ACVR2A: variants seen among roughly 807,000 people sequenced by gnomAD.
The protein encoded by ACVR2A is activin A receptor type 2A.
In ACVR2A, 7 loss-of-function variants were observed where a neutral mutation model predicts 61.4. The ratio of observed to expected loss-of-function variants is 0.11; its 90% CI spans 0.06 to 0.21. The LOEUF is 0.21. ACVR2A is among the 10% of genes least tolerant of loss of function. The probability of loss-of-function intolerance (pLI) is 1.00; values close to 1 mark genes in which losing one functional copy is unlikely to be tolerated. For missense variants in ACVR2A, 322 were observed against 621.7 expected, an observed-to-expected ratio of 0.52 and a Z score of 5.13; for synonymous variants, 193 against 208.3, an observed-to-expected ratio of 0.93 and a Z score of 0.63.
At chr2:147,895,757 T>C (rs1313628141) in intron 1 of ACVR2A, among the ~76,000 whole-genome samples, 1 of 152,210 alleles carries the variant, frequency 6.6e-6, no homozygotes, top group Non-Finnish European at 1.5e-5. Context: ...TGTAAGAATT[T>C]AGTATATAAT....
chr2:147,924,674 T>G (rs1250087890), intron 9 of ACVR2A, among the ~76,000 whole-genome samples: 1 of 151,964 alleles, frequency 6.6e-6, no homozygotes, highest in Non-Finnish European at 1.5e-5. Flanking sequence ...GAGCATTGAT[T>G]GCTAAAGTAG....
chr2:147,886,478 C>T (rs926872331), intron 1 of ACVR2A, among the ~76,000 whole-genome samples: 2 of 152,012 alleles, frequency 1.3e-5, no homozygotes, highest in African/African-American at 2.4e-5. Flanking sequence ...TGTAAGTTCC[C>T]GAAACAGTTC....
At chr2:147,876,562 A>T (rs1686160169) in intron 1 of ACVR2A, among the ~76,000 whole-genome samples, 2 of 152,142 alleles carry the variant, frequency 1.3e-5, no homozygotes, top group African/African-American at 4.8e-5. Context: ...GCACCTAGGG[A>T]CATAATTCTC....
intron 1 of ACVR2A, among the ~76,000 whole-genome samples, chr2:147,858,341 G>C (rs144044299): frequency 2.6e-4 from 39 of 152,266 alleles, no homozygotes; most frequent in Non-Finnish European, 3.5e-4. Flanking sequence ...TGTGATGCCT[G>C]ATGGGTCGAC....
intron 2 of ACVR2A, among the ~76,000 whole-genome samples, chr2:147,898,486 A>G (rs74504953): frequency 1.1e-3 from 163 of 152,188 alleles, no homozygotes; most frequent in Middle Eastern, 0.01. Context: ...CTCCTGCCAA[A>G]TAGATGTTGA....
chr2:147,888,953 C>T (rs948163814), intron 1 of ACVR2A, among the ~76,000 whole-genome samples: 3 of 151,616 alleles, frequency 2.0e-5, no homozygotes, highest in Admixed American at 2.0e-4. Context: ...TTGGTAGGTG[C>T]TTTTTATGAC....
At chr2:147,881,991 G>A (rs907263856) in intron 1 of ACVR2A, among the ~76,000 whole-genome samples, 2 of 152,070 alleles carry the variant, frequency 1.3e-5, no homozygotes, top group Non-Finnish European at 2.9e-5. Context: ...ATTTTAAAAG[G>A]ATGGTTGCTT....
intron 5 of ACVR2A, among the ~76,000 whole-genome samples, chr2:147,916,236 GTT>G (rs1287642622): frequency 6.6e-6 from 1 of 151,804 alleles, no homozygotes; most frequent in East Asian, 1.9e-4. Flanking sequence ...CCACAGTTTA[GTT>G]TTCAGAGAGA....
intron 1 of ACVR2A, among the ~76,000 whole-genome samples, chr2:147,878,848 G>A (rs1002214029): frequency 1.3e-5 from 2 of 152,236 alleles, no homozygotes; most frequent in East Asian, 1.9e-4. Flanking sequence ...GGTTAAGGCT[G>A]CAGTGAACTG....
chr2:147,897,529 A>T (rs2105191581), intron 2 of ACVR2A, among the ~76,000 whole-genome samples: 1 of 152,288 alleles, frequency 6.6e-6, no homozygotes, highest in South Asian at 2.1e-4. Flanking sequence ...TGCTGAAGAC[A>T]GGCAGAAGCT....
intron 9 of ACVR2A, 113 bp downstream of exon 9, chr2:147,923,224 C>T: frequency 8.4e-7 from 1 of 1,187,724 alleles, no homozygotes; most frequent in Non-Finnish European, 1.1e-6. Flanking sequence ...TTAATTGACT[C>T]CAAGAGATGG....
At chr2:147,882,672 A>C (rs1273141025) in intron 1 of ACVR2A, among the ~76,000 whole-genome samples, 1 of 152,160 alleles carries the variant, frequency 6.6e-6, no homozygotes, top group Non-Finnish European at 1.5e-5. Context: ...ACAACATATA[A>C]TGTTTATATT....
rs1236542519 is a variant in ACVR2A at position 147,923,072 on chromosome 2, G to A, written c.1177G>A (p.Val393Ile). 1.2e-6 allele frequency: 2 copies of A among 1,612,960 alleles called. No individual in the cohort carries two copies. The highest frequency in any genetic ancestry group is 1.7e-6 in the Non-Finnish European group (2 of 1,179,430). The change falls in exon 9 of 11, where the codon GTC becomes ATC. Residue 393 changes from valine to isoleucine, a missense_variant. By Grantham distance (29) the Val-to-Ile change is conservative. Around this residue, in one of 3 missense-constraint regions of ACVR2A, gnomAD observed 146 missense variants for 383.8 expected, o/e 0.38. Transcript: ENST00000241416. ...LRIDMYAMGL[V>I]LWELASRCTA... ...GATAGATATGTATGCCATGGGATTA[G>A]TCCTATGGGAACTGGCTTCTCGCTG...
chr2:147,855,327 A>G (rs1053924351), intron 1 of ACVR2A, among the ~76,000 whole-genome samples: 3 of 152,242 alleles, frequency 2.0e-5, no homozygotes, highest in African/African-American at 7.2e-5. Flanking sequence ...GCCTGAAGCA[A>G]TGAATGCAGT....
chr2:147,854,412 T>G (rs1372149773), intron 1 of ACVR2A, among the ~76,000 whole-genome samples: 2 of 152,346 alleles, frequency 1.3e-5, no homozygotes, highest in African/African-American at 4.8e-5. Context: ...TTTTGAAAGA[T>G]TCTCAAGTCT....
chr2:147,844,987 T>TTAA, upstream of ACVR2A: 2 of 392,494 alleles, frequency 5.1e-6, no homozygotes, highest in Non-Finnish European at 8.9e-6. Flanking sequence ...TTTTTTTTTT[T>TTAA]AACCCAGTGA....
At chr2:147,896,698 A>G (rs1214426043) in intron 2 of ACVR2A, 190 bp downstream of exon 2, 4 of 558,106 alleles carry the variant, frequency 7.2e-6, no homozygotes, top group East Asian at 3.0e-5. Flanking sequence ...TGGCATATAT[A>G]TGTTTTATCT....
At chr2:147,899,407 G>A (rs1686819368) in intron 2 of ACVR2A, 51 bp from the exon 3 acceptor site, 3 of 1,220,620 alleles carry the variant, frequency 2.5e-6, no homozygotes, top group Non-Finnish European at 3.5e-6. Context: ...CTTGTTGTAG[G>A]GTCAGTATAA....
intron 9 of ACVR2A, 46 bp from the exon 10 acceptor site, chr2:147,925,985 G>A (rs1687491072): frequency 6.3e-7 from 1 of 1,580,526 alleles, no homozygotes; most frequent in East Asian, 2.2e-5. Flanking sequence ...TGAAAGTCAG[G>A]AGGATTTTAA....
Sources: gnomAD v4.1 joint callset for allele counts (sites outside exome capture counted in the v4.1 genomes callset) on GRCh38, gnomAD v4.1.1 for gene constraint, gnomAD v4.1.1 regional missense constraint, MANE v1.5 for transcripts, NCBI Gene and HGNC (gene_info 2026-07-23, HGNC 2026-07-21) for gene names.